Variants in TYR observed in about 807,000 individuals in gnomAD.
TYR encodes the protein LB24-AB.
In TYR, 58 loss-of-function variants were observed where a neutral mutation model predicts 51.5. The ratio of observed to expected loss-of-function variants is 1.13; its 90% CI spans 0.91 to 1.40. TYR has a LOEUF of 1.40. Among genes scored for constraint, TYR ranks in the 40% most tolerant of loss-of-function variants. The probability of loss-of-function intolerance (pLI) is 0.00; values close to 1 mark genes in which losing one functional copy is unlikely to be tolerated. For missense variants in TYR, 732 were observed against 647.4 expected, an observed-to-expected ratio of 1.13 and a Z score of -1.42; for synonymous variants, 263 against 235.2, an observed-to-expected ratio of 1.12 and a Z score of -1.08.
chr11:89,208,373 A>G lies in TYR; in HGVS notation c.1036+16955A>G, dbSNP rs181073892. On this transcript the variant is annotated intron_variant, in intron 2 of 4. Coordinates refer to ENST00000263321, the MANE Select transcript of TYR (RefSeq NM_000372.5). ...AGATAAAAGACGTATTAGGAACCCT[A>G]TTTCAGTCAAGCAAGGAGCAATACT... is the stretch of plus-strand genomic sequence containing the variant. Among the ~76,000 whole-genome samples, 145 of 152,354 alleles carry G rather than the reference A, an allele frequency of 9.5e-4. 1 individual carries two copies. In the South Asian group the frequency reaches 0.013, roughly 13 times the overall value.
chr11:89,229,391 T>TA (rs1944014325), intron 3 of TYR, among the ~76,000 whole-genome samples: 2 of 152,050 alleles, frequency 1.3e-5, no homozygotes, highest in African/African-American at 4.8e-5. Context: ...TCAGAAAAGA[T>TA]AAATTGAACG....
chr11:89,286,311 A>T (rs914831341), intron 4 of TYR, among the ~76,000 whole-genome samples: 1 of 151,906 alleles, frequency 6.6e-6, no homozygotes, highest in African/African-American at 2.4e-5. Flanking sequence ...ATGCTGAATT[A>T]TTCTATTTGA....
Position 89,284,764 on chromosome 11 carries a change from C to T in TYR, c.1185-9C>T, listed in dbSNP as rs1266007597. 1.9e-6 allele frequency: 3 copies of T among 1,610,834 alleles called. No individual in the cohort carries two copies. Among genetic ancestry groups the T allele is most frequent in the Non-Finnish European group, 2.5e-6 (3 of 1,177,954 alleles). On this transcript the variant is annotated splice_polypyrimidine_tract_variant and intron_variant, in intron 3 of 4. Coordinates refer to ENST00000263321, the MANE Select transcript of TYR (RefSeq NM_000372.5). ...TGTTTCTTAGTCTGAATAACCTTTTCCTCTGCAGTATTTTTGAGCAGTGGC... is the reference window on the plus strand; with the variant it reads ...TGTTTCTTAGTCTGAATAACCTTTTTCTCTGCAGTATTTTTGAGCAGTGGC...
chr11:89,273,354 G>A (rs925920689), intron 3 of TYR, among the ~76,000 whole-genome samples: 2 of 151,802 alleles, frequency 1.3e-5, no homozygotes, highest in African/African-American at 2.4e-5. Flanking sequence ...CTGAAGAGAG[G>A]GAGGAGGACT....
chr11:89,245,981 G>A (rs1944263191), intron 3 of TYR, among the ~76,000 whole-genome samples: 1 of 151,826 alleles, frequency 6.6e-6, no homozygotes, highest in Admixed American at 6.6e-5. Context: ...ACAAACAGTG[G>A]GCCAAAATTT....
At chr11:89,276,121 G>A (rs1944651156) in intron 3 of TYR, among the ~76,000 whole-genome samples, 1 of 151,874 alleles carries the variant, frequency 6.6e-6, no homozygotes, top group African/African-American at 2.4e-5. Flanking sequence ...TCTTCAGCTG[G>A]TTGGCAGCAT....
chr11:89,207,538 T>C (rs184777239), intron 2 of TYR, among the ~76,000 whole-genome samples: 1 of 152,298 alleles, frequency 6.6e-6, no homozygotes, highest in East Asian at 1.9e-4. Flanking sequence ...CAACCAGGAA[T>C]TTAACAAATT....
At chr11:89,186,802 A>C (rs1211910675) in intron 1 of TYR, among the ~76,000 whole-genome samples, 1 of 152,106 alleles carries the variant, frequency 6.6e-6, no homozygotes, top group Non-Finnish European at 1.5e-5. Context: ...GAAGTAATTG[A>C]GGTTAAGTGA....
chr11:89,236,112 C>T (rs918293554), intron 3 of TYR, among the ~76,000 whole-genome samples: 4 of 152,008 alleles, frequency 2.6e-5, no homozygotes, highest in Non-Finnish European at 4.4e-5. Flanking sequence ...ATGTCAGAGT[C>T]GAGTAGCTGT....
chr11:89,258,819 A>C (rs1226691671), intron 3 of TYR, among the ~76,000 whole-genome samples: 1 of 152,126 alleles, frequency 6.6e-6, no homozygotes, highest in African/African-American at 2.4e-5. Context: ...ATCTAATACC[A>C]GAGACCAACT....
chr11:89,287,478 C>T (rs551822228), intron 4 of TYR, among the ~76,000 whole-genome samples: 4 of 151,714 alleles, frequency 2.6e-5, no homozygotes, highest in South Asian at 2.1e-4. Flanking sequence ...ACTATGGATA[C>T]AATGGTAAAC....
intron 3 of TYR, among the ~76,000 whole-genome samples, chr11:89,282,786 GCACTGCTCACATATGCAAGGCTTTGGCA>G: frequency 2.0e-5 from 3 of 151,628 alleles, no homozygotes; most frequent in Non-Finnish European, 4.4e-5. Flanking sequence ...ATCACTAAAG[GCACTGCTCACATATGCAAGGCTTTGGCA>G]TTTCTAAAAC....
intron 3 of TYR, among the ~76,000 whole-genome samples, chr11:89,239,283 A>AT (rs1225007451): frequency 6.6e-6 from 1 of 151,814 alleles, no homozygotes; most frequent in Non-Finnish European, 1.5e-5. Flanking sequence ...AAGATTTTCT[A>AT]TTTTTTCATG....
intron 2 of TYR, among the ~76,000 whole-genome samples, chr11:89,209,476 C>T (rs1943721389): frequency 1.3e-5 from 2 of 152,178 alleles, no homozygotes; most frequent in African/African-American, 4.8e-5. Flanking sequence ...TGGGTGGAGC[C>T]CACTGCAGCT....
intron 4 of TYR, among the ~76,000 whole-genome samples, chr11:89,285,868 T>A (rs754743318): frequency 1.1e-4 from 17 of 151,822 alleles, no homozygotes; most frequent in Non-Finnish European, 2.2e-4. Context: ...AAAAACAGTG[T>A]GGCTTATGGG....
At position 89,191,971 on chromosome 11, in the gene TYR, C is replaced by G. The variant is rs758406163; in HGVS notation, c.1036+553C>G. The G allele has an allele frequency of 4.2e-5, 18 of 432,346 alleles. No individual in the cohort carries two copies. The East Asian group carries it at 1.3e-3, about 30-fold the overall frequency. The allele number at this position is 432,346 out of a possible 1,614,324, so 26.8% of individuals were successfully genotyped here. The stretch of plus-strand genomic sequence containing the variant: ...AAGTCTGTGGACTGATACTATTTTC[C>G]TACGTTTTAGTGTTTTAGTTTTCTC... On this transcript the variant is annotated intron_variant, in intron 2 of 4. Transcript: ENST00000263321.
chr11:89,282,204 T>C (rs1944728069), intron 3 of TYR, among the ~76,000 whole-genome samples: 1 of 151,830 alleles, frequency 6.6e-6, no homozygotes, highest in African/African-American at 2.4e-5. Flanking sequence ...AGATTATTTA[T>C]AAATTGAACT....
In TYR at chr11:89,260,933, TA is replaced by T. The variant is rs1944449352; in HGVS notation, c.1185-23838del. 1.3e-5 allele frequency among the ~76,000 whole-genome samples: 2 copies of T among 152,084 alleles called. 1 individual carries two copies. The highest frequency in any genetic ancestry group is 4.1e-4 in the South Asian group (2 of 4,826). On this transcript the variant is annotated intron_variant, in intron 3 of 4. Transcript: ENST00000263321. The stretch of plus-strand genomic sequence containing the variant: ...AACCTGAGCTCTGCCTCCTGTCAGC[TA>T]AGCGGCAGGTGAACTGGGCATGTGA...
chr11:89,178,235 C>A lies in TYR; in HGVS notation c.282C>A (p.Asn94Lys), dbSNP rs200951928. The A allele has an allele frequency of 5.6e-6, 9 of 1,614,190 alleles. No homozygotes were observed. The highest frequency in any genetic ancestry group is 7.6e-6 in the Non-Finnish European group (9 of 1,180,028). ...ATAGGACCTGCCAGTGCTCTGGCAACTTCATGGGATTCAACTGTGGAAACT... is the reference window on the plus strand; with the variant it reads ...ATAGGACCTGCCAGTGCTCTGGCAAATTCATGGGATTCAACTGTGGAAACT... The part of the protein sequence containing the change: ...FYNRTCQCSG[N>K]FMGFNCGNCK... The change falls in exon 1 of 5, where the codon AAC (asparagine) becomes AAA (lysine). Residue 94 changes from asparagine to lysine, a missense_variant. Transcript: ENST00000263321.
Sources: gnomAD v4.1 joint callset for allele counts (sites outside exome capture counted in the v4.1 genomes callset) on GRCh38, gnomAD v4.1.1 for gene constraint, MANE v1.5 for transcripts, NCBI Gene and HGNC (gene_info 2026-07-23, HGNC 2026-07-21) for gene names.